GRID2: variants seen among roughly 807,000 people sequenced by gnomAD.
GRID2 encodes the protein glutamate receptor ionotropic, delta-2.
Under a neutral mutation model 114.8 loss-of-function variants are expected in GRID2, and 33 were observed. That is an observed-to-expected ratio of 0.29 (90% confidence interval 0.22 to 0.38). GRID2 has a LOEUF of 0.38. Ranked by LOEUF, GRID2 falls within the 10% of genes least tolerant of loss-of-function variation. The pLI is 1.00. For synonymous variants in GRID2, 505 were observed against 449.9 expected, an observed-to-expected ratio of 1.12 and a Z score of -1.55; for missense variants, 1,184 against 1,257.7, an observed-to-expected ratio of 0.94 and a Z score of 0.89.
chr4:92,712,434 C>A (rs2149310641), intron 2 of GRID2, among the ~76,000 whole-genome samples: 1 of 152,158 alleles, frequency 6.6e-6, no homozygotes, highest in East Asian at 1.9e-4. Flanking sequence ...CACATTAGCA[C>A]TTTTACCAGT....
chr4:92,903,101 T>C (rs1425142677), intron 2 of GRID2, among the ~76,000 whole-genome samples: 1 of 151,964 alleles, frequency 6.6e-6, no homozygotes, highest in Non-Finnish European at 1.5e-5. Flanking sequence ...CATTACATTG[T>C]AATTTTAATG....
intron 7 of GRID2, among the ~76,000 whole-genome samples, chr4:93,225,922 C>T (rs567244190): frequency 6.6e-6 from 1 of 152,244 alleles, no homozygotes; most frequent in South Asian, 2.1e-4. Flanking sequence ...GCATCACATG[C>T]TGAGCAGCTG....
At position 93,765,142 on chromosome 4, in the gene GRID2, C is replaced by A. The variant is rs545205056; in HGVS notation, c.2361-4068C>A. Reference sequence around the variant, plus strand: ...TTTTACCACACTTGCTTTACATAATCTTTAAATTGGGTTTTTGTTAAATCA... The same window carrying A: ...TTTTACCACACTTGCTTTACATAATATTTAAATTGGGTTTTTGTTAAATCA... On this transcript the variant is annotated intron_variant, in intron 14 of 15. Coordinates refer to ENST00000282020, the MANE Select transcript of GRID2 (RefSeq NM_001510.4). Among the ~76,000 whole-genome samples, 3 of 152,264 alleles carry A rather than the reference C, an allele frequency of 2.0e-5. No individual in the cohort carries two copies. In the East Asian group the frequency reaches 5.8e-4, roughly 29 times the overall value.
At chr4:93,169,130 C>T (rs1738545118) in intron 4 of GRID2, among the ~76,000 whole-genome samples, 1 of 138,508 alleles carries the variant, frequency 7.2e-6, no homozygotes, top group African/African-American at 2.8e-5. Flanking sequence ...TGGCTTTTTT[C>T]AACACAATGA....
rs183452894 is a variant in GRID2, at chr4:92,731,535, A to G, written c.244+141249A>G. Among the ~76,000 whole-genome samples, 132 of 152,060 alleles carry G rather than the reference A, an allele frequency of 8.7e-4. 1 individual carries two copies. Among genetic ancestry groups the G allele is most frequent in the Non-Finnish European group, 1.4e-3 (93 of 67,868 alleles). On this transcript the variant is annotated intron_variant, in intron 2 of 15. Transcript: ENST00000282020. The stretch of plus-strand genomic sequence containing the variant: ...CCTTTATTTTAAAGTATATTTCTAC[A>G]CAATGTATATTTGCACTTATCTTCA...
rs184544062 is a variant in GRID2, at chr4:93,097,960, C to G, written c.529+12681C>G. ...CTAGATGTCTACTGCATAAGCACCA[C>G]AAGCAGTTTACCATTTTTGAATTTG... is the stretch of plus-strand genomic sequence containing the variant. On this transcript the variant is annotated intron_variant, in intron 3 of 15. Transcript: ENST00000282020. Among the ~76,000 whole-genome samples, 109 of 152,006 alleles carry G rather than the reference C, an allele frequency of 7.2e-4. 2 individuals are homozygous for G. The East Asian group carries it at 0.019, about 27-fold the overall frequency.
rs1369088766 is a variant in GRID2 at position 93,424,050 on chromosome 4, G to C, written c.1545+1082G>C. ...CTTAACTTACTACATTCTATCTTAA[G>C]TTAATATTGTACTACTTCACATAAA... On this transcript the variant is annotated intron_variant, in intron 10 of 15. Transcript: ENST00000282020. 4.6e-5 allele frequency among the ~76,000 whole-genome samples: 7 copies of C among 151,996 alleles called. No individual in the cohort carries two copies. In the East Asian group the frequency reaches 9.7e-4, roughly 21 times the overall value.
At chr4:93,035,105 C>CTTTT (rs1409804820) in intron 2 of GRID2, among the ~76,000 whole-genome samples, 4 of 136,246 alleles carry the variant, frequency 2.9e-5, no homozygotes, top group African/African-American at 5.5e-5. Flanking sequence ...TCACTGTCTG[C>CTTTT]TTTTTTTTTT....
intron 1 of GRID2, among the ~76,000 whole-genome samples, chr4:92,312,451 C>T (rs1034152621): frequency 6.6e-6 from 1 of 151,814 alleles, no homozygotes. Context: ...ATGTGAAGAT[C>T]GGAAAAACAG....
intron 2 of GRID2, among the ~76,000 whole-genome samples, chr4:92,700,254 A>G (rs866089791): frequency 1.3e-5 from 2 of 152,172 alleles, no homozygotes; most frequent in Non-Finnish European, 2.9e-5. Context: ...TGATAACGAT[A>G]TATTGAAGCA....
chr4:92,936,064 A>G (rs1446012504), intron 2 of GRID2, among the ~76,000 whole-genome samples: 2 of 146,610 alleles, frequency 1.4e-5, no homozygotes, highest in African/African-American at 4.9e-5. Context: ...AGAAATTTAA[A>G]TGCTGTCTAC....
chr4:93,594,664 C>T (rs1470019016), intron 13 of GRID2, among the ~76,000 whole-genome samples: 4 of 152,228 alleles, frequency 2.6e-5, no homozygotes, highest in Non-Finnish European at 4.4e-5. Flanking sequence ...TCGCTGCCAC[C>T]TTGCAGCTTG....
chr4:92,618,874 A>G lies in GRID2; in HGVS notation c.244+28588A>G, dbSNP rs1434499905. Among the ~76,000 whole-genome samples, 4 of 151,822 alleles carry G rather than the reference A, an allele frequency of 2.6e-5. No homozygotes were observed. In the East Asian group the frequency reaches 7.8e-4, roughly 30 times the overall value. On this transcript the variant is annotated intron_variant, in intron 2 of 15. Transcript: ENST00000282020. ...AAAGACTACTGATTTTTGAATGTTGATATTCTATCCTGAAACTTTTTGAAT... is the reference window on the plus strand; with the variant it reads ...AAAGACTACTGATTTTTGAATGTTGGTATTCTATCCTGAAACTTTTTGAAT...
chr4:93,179,833 T>TG (rs1739713693), intron 4 of GRID2, among the ~76,000 whole-genome samples: 1 of 152,104 alleles, frequency 6.6e-6, no homozygotes, highest in Non-Finnish European at 1.5e-5. Context: ...CTTCAAACGA[T>TG]GGGGGGACTG....
intron 1 of GRID2, among the ~76,000 whole-genome samples, chr4:92,495,888 T>C (rs1450955668): frequency 6.6e-6 from 1 of 152,000 alleles, no homozygotes; most frequent in Non-Finnish European, 1.5e-5. Context: ...TTTTAGATAG[T>C]ATTCAACTCC....
At chr4:92,833,553 A>G (rs892981631) in intron 2 of GRID2, 1 of 152,206 alleles carries the variant, frequency 6.6e-6, no homozygotes, top group African/African-American at 2.4e-5. Context: ...AGAAGTAATC[A>G]TATATGCCCT....
intron 13 of GRID2, among the ~76,000 whole-genome samples, chr4:93,517,954 T>C (rs150506061): frequency 0.15 from 6,198 of 42,204 alleles, 299 homozygotes; most frequent in Non-Finnish European, 0.17. Flanking sequence ...CATACATGTA[T>C]ATGTATGTAT....
At chr4:92,687,153 T>A (rs1733945535) in intron 2 of GRID2, among the ~76,000 whole-genome samples, 1 of 151,756 alleles carries the variant, frequency 6.6e-6, no homozygotes. Flanking sequence ...AAACATTCAT[T>A]GATTTTTCAC....
chr4:93,683,911 C>T (rs76082901), intron 14 of GRID2, among the ~76,000 whole-genome samples: 29 of 151,862 alleles, frequency 1.9e-4, no homozygotes, highest in Admixed American at 8.5e-4. Context: ...ATGATAAGGA[C>T]GACTTTATTC....
Sources: gnomAD v4.1 joint callset for allele counts (sites outside exome capture counted in the v4.1 genomes callset) on GRCh38, gnomAD v4.1.1 for gene constraint, MANE v1.5 for transcripts, NCBI Gene and HGNC (gene_info 2026-07-23, HGNC 2026-07-21) for gene names.